INPP5B: variants seen among roughly 807,000 people sequenced by gnomAD.
INPP5B encodes the protein type II inositol 1,4,5-trisphosphate 5-phosphatase.
In INPP5B, 90 loss-of-function variants were observed where a neutral mutation model predicts 118.5. The observed-to-expected ratio is 0.76, with a 90% CI of 0.64 to 0.90. INPP5B has a LOEUF of 0.90. INPP5B is among the 40% of genes least tolerant of loss of function. The probability of loss-of-function intolerance (pLI) is 0.00; values close to 1 mark genes in which losing one functional copy is unlikely to be tolerated. For missense variants in INPP5B, 984 were observed against 1,125.6 expected (o/e 0.87, Z 1.80); for synonymous variants, 385 against 418.9 (o/e 0.92, Z 0.99).
intron 7 of INPP5B, among the ~76,000 whole-genome samples, chr1:37,895,276 T>C (rs1186515480): frequency 2.6e-5 from 4 of 152,142 alleles, no homozygotes; most frequent in Admixed American, 6.5e-5. Context: ...GGCAGTTTCT[T>C]AAAAAGTTAA....
intron 6 of INPP5B, among the ~76,000 whole-genome samples, chr1:37,936,678 G>C (rs186220672): frequency 1.3e-5 from 2 of 151,602 alleles, no homozygotes; most frequent in East Asian, 1.9e-4. Context: ...AGCTAAGGAA[G>C]CACTAGAGCA....
At chr1:37,910,943 C>T (rs1183394249) in intron 7 of INPP5B, among the ~76,000 whole-genome samples, 2 of 152,158 alleles carry the variant, frequency 1.3e-5, no homozygotes, top group Admixed American at 6.5e-5. Flanking sequence ...ACTCCCCTTT[C>T]CATTCCTTAA....
At chr1:37,867,646 A>G (rs1317200885) in intron 20 of INPP5B, among the ~76,000 whole-genome samples, 19 of 152,214 alleles carry the variant, frequency 1.2e-4, no homozygotes, top group Admixed American at 1.2e-3. Flanking sequence ...ATAAGAATGT[A>G]TATTTTTTTA....
chr1:37,918,782 G>A lies in INPP5B; in HGVS notation c.532+13131C>T, dbSNP rs555387750. 3.9e-5 allele frequency among the ~76,000 whole-genome samples: 6 copies of A among 152,140 alleles called. No individual in the cohort carries two copies. The East Asian group carries it at 9.7e-4, about 25-fold the overall frequency. On this transcript the variant is annotated intron_variant, in intron 7 of 23. Transcript: ENST00000373024. ...AGGATAAACAAATACAATCTACATG[G>A]GTCACGAACCTAGCACAATGCCTGG...
chr1:37,873,085 C>T lies in INPP5B; in HGVS notation c.2032G>A (p.Glu678Lys), dbSNP rs1642562909. Residue 678 changes from glutamate (E) to lysine (K), a missense_variant, in exon 19 of 24, where the codon GAG (glutamate) becomes AAG (lysine). Physicochemically the swap from Glu to Lys is moderately conservative, Grantham distance 56 (BLOSUM62 1). Transcript: ENST00000373024. ...TCCAAGTGCAGAACCAGAATGTCCT[C>T]AATTTTGTCTTCACCCGAGTTGAGC... is the stretch of plus-strand genomic sequence containing the variant. ...TKLNSGEDKI[E>K]DILVLHLDRG... 1 of 1,614,040 alleles carries T rather than the reference C, an allele frequency of 6.2e-7. No homozygotes were observed. The highest frequency in any genetic ancestry group is 8.5e-7 in the Non-Finnish European group (1 of 1,180,030).
At chr1:37,884,923 C>T (rs1207438777) in intron 13 of INPP5B, 1 of 151,972 alleles carries the variant, frequency 6.6e-6, no homozygotes, top group Non-Finnish European at 1.5e-5. Flanking sequence ...GCACTCCAGC[C>T]TGGGAGACAG....
At chr1:37,877,267 G>A (rs1018693603) in intron 16 of INPP5B, among the ~76,000 whole-genome samples, 7 of 151,376 alleles carry the variant, frequency 4.6e-5, no homozygotes, top group Admixed American at 3.3e-4. Flanking sequence ...GCTTGAACCC[G>A]GGAGGCGGAG....
At chr1:37,930,842 G>T in intron 7 of INPP5B, 1 of 152,246 alleles carries the variant, frequency 6.6e-6, no homozygotes, top group Admixed American at 6.6e-5. Context: ...CTACTTGACA[G>T]GCTCTTCATT....
Position 37,865,780 on chromosome 1 carries a change from T to G in INPP5B, c.2495A>C (p.Asn832Thr). 8 of 1,613,440 alleles carry G rather than the reference T, an allele frequency of 5.0e-6. No individual in the cohort carries two copies. The highest frequency in any genetic ancestry group is 6.8e-6 in the Non-Finnish European group (8 of 1,179,586). The change falls in exon 22 of 24, where the codon AAC becomes ACC. Residue 832 changes from asparagine (N) to threonine (T), a missense_variant. Physicochemically the swap from Asn to Thr is moderately conservative, Grantham distance 65 (BLOSUM62 0). Coordinates refer to ENST00000373024, the MANE Select transcript of INPP5B (RefSeq NM_005540.3). ...TCTCACCTGTTTGCTTGCTGTGTAG[T>G]TGCCAGAACACTCCAAGCAGTTATG... ...TYHNCLECSG[N>T]YTASKQVIST...
chr1:37,885,414 G>GAAA, intron 13 of INPP5B: 3 of 363,694 alleles, frequency 8.2e-6, no homozygotes, highest in Non-Finnish European at 1.5e-5. Context: ...ACTCCATCTC[G>GAAA]AAAAAAAAAA....
In INPP5B at chr1:37,932,013, C is replaced by T. The variant is rs1292221574; in HGVS notation, c.432G>A (p.Leu144=). ...CCAGCTCTGCGCACCTATACCGAGACAGCCACAGGAATTCAGGATCCCGGG... is the reference window on the plus strand; with the variant it reads ...CCAGCTCTGCGCACCTATACCGAGATAGCCACAGGAATTCAGGATCCCGGG... ...SATRDPEFLW[L]SRYRCAELEL... Residue 144 remains leucine, a synonymous_variant, in exon 7 of 24, where the codon CTG becomes CTA. Coordinates refer to ENST00000373024, the MANE Select transcript of INPP5B (RefSeq NM_005540.3). The T allele has an allele frequency of 6.2e-7, 1 of 1,606,876 alleles. No individual in the cohort carries two copies.
intron 6 of INPP5B, among the ~76,000 whole-genome samples, chr1:37,939,445 G>T (rs1184877847): frequency 1.0e-5 from 1 of 100,114 alleles, no homozygotes; most frequent in Non-Finnish European, 2.7e-5. Flanking sequence ...TTTTGTTTTT[G>T]TTTTTGTTTT....
At chr1:37,942,644 C>A (rs1017044029) in intron 5 of INPP5B, among the ~76,000 whole-genome samples, 2 of 152,098 alleles carry the variant, frequency 1.3e-5, no homozygotes, top group Admixed American at 1.3e-4. Flanking sequence ...TGTGGTGGCT[C>A]ACGCCTATAA....
rs150769971 is a variant in INPP5B, at chr1:37,864,692, A to G, written c.2515-269T>C. On this transcript the variant is annotated intron_variant, in intron 22 of 23. Coordinates refer to ENST00000373024, the MANE Select transcript of INPP5B (RefSeq NM_005540.3). ...GGTCTTGAATGTAAGACAAAATGGG[A>G]CTTACAGAGGTTAATAACTGGGGTG... 1,193 of 264,762 alleles carry G rather than the reference A, an allele frequency of 4.5e-3. 17 individuals carry two copies. The highest frequency in any genetic ancestry group is 0.024 in the African/African-American group (1,107 of 45,236). 16.4% of individuals were successfully genotyped at this position (264,762 alleles called of 1,614,324 possible). A position where few individuals can be genotyped will look rare whatever the true frequency, so the allele number is the denominator to read the frequency against.
chr1:37,899,345 C>T (rs1644243061), intron 7 of INPP5B, among the ~76,000 whole-genome samples: 2 of 152,078 alleles, frequency 1.3e-5, no homozygotes, highest in African/African-American at 4.8e-5. Flanking sequence ...GGGCAAATCA[C>T]CTGAGGTTGG....
intron 7 of INPP5B, among the ~76,000 whole-genome samples, chr1:37,924,458 C>T (rs936565640): frequency 1.3e-5 from 2 of 151,844 alleles, no homozygotes; most frequent in Non-Finnish European, 2.9e-5. Flanking sequence ...CATGAGCCAC[C>T]GCTGCTGGCC....
chr1:37,913,125 C>T (rs1031999476), intron 7 of INPP5B, among the ~76,000 whole-genome samples: 3 of 151,994 alleles, frequency 2.0e-5, no homozygotes, highest in Admixed American at 6.6e-5. Context: ...GGCGTGGTGG[C>T]GGGTGCCTGT....
rs1553159486 is a variant in INPP5B, at chr1:37,917,308, T to TTATATACATATATATATATATA, written c.532+14604_532+14605insTATATATATATATATGTATATA. On this transcript the variant is annotated intron_variant, in intron 7 of 23. Transcript: ENST00000373024. ...CGTCTCGGGGGAAAAAAAAAAATAA[T>TTATATACATATATATATATATA]TATATATATATATATATATATATAT... is the stretch of plus-strand genomic sequence containing the variant. Among the ~76,000 whole-genome samples the TTATATACATATATATATATATA allele has an allele frequency of 1.7e-4, 16 of 92,804 alleles. No homozygotes were observed. The East Asian group carries it at 5.5e-3, about 32-fold the overall frequency. 60.9% of individuals were successfully genotyped at this position (92,804 alleles called of 152,430 possible).
At chr1:37,872,063 CAAAAA>C (rs34131982) in intron 19 of INPP5B, among the ~76,000 whole-genome samples, 27 of 58,200 alleles carry the variant, frequency 4.6e-4, no homozygotes, top group Admixed American at 6.6e-4. Flanking sequence ...GACTCCATCT[CAAAAA>C]AAAAAAAAAA....
Sources: allele counts gnomAD v4.1 joint callset (sites outside exome capture counted in the v4.1 genomes callset), GRCh38; gene constraint gnomAD v4.1.1; transcripts MANE v1.5; gene names NCBI Gene and HGNC (gene_info 2026-07-23, HGNC 2026-07-21).